Variants in ANXA2R observed in about 807,000 individuals in gnomAD.
ANXA2R encodes annexin-2 receptor.
For missense variants in ANXA2R, 244 were observed against 241.5 expected, an observed-to-expected ratio of 1.01 and a Z score of -0.07; for synonymous variants, 93 against 93.6, an observed-to-expected ratio of 0.99 and a Z score of 0.04.
In ANXA2R at chr5:43,039,609, T is replaced by G; in HGVS notation, c.438A>C (p.Glu146Asp). Reference protein sequence around the residue: ...TEVCDSGCLLERRHPPALQPW... With the variant: ...TEVCDSGCLLDRRHPPALQPW... ...GCTGGAGGGCAGGAGGATGGCGGCG[T>G]TCCAAAAGGCACCCGCTGTCACAGA... is the stretch of plus-strand genomic sequence containing the variant. Residue 146 changes from glutamate (E) to aspartate (D), a missense_variant, in exon 1 of 1, where the codon GAA (glutamate) becomes GAC (aspartate). Coordinates refer to ENST00000616064, the MANE Select transcript of ANXA2R (RefSeq NM_001014279.3). The G allele has an allele frequency of 6.2e-7, 1 of 1,613,924 alleles. No homozygotes were observed. The highest frequency in any genetic ancestry group is 8.5e-7 in the Non-Finnish European group (1 of 1,179,906).
chr5:43,039,943 G>A lies in ANXA2R; in HGVS notation c.104C>T (p.Pro35Leu), dbSNP rs1205391094. Residue 35 changes from proline (P) to leucine (L), a missense_variant, in exon 1 of 1, where the codon CCG (proline) becomes CTG (leucine). By Grantham distance (98) the Pro-to-Leu change is moderately conservative. Coordinates refer to ENST00000616064, the MANE Select transcript of ANXA2R (RefSeq NM_001014279.3). ...PPIVSSEDRG[P>L]WPLPLYPVLG... is the part of the protein sequence containing the mutation. Reference sequence around the variant, plus strand: ...TACTGGATACAAAGGAAGAGGCCACGGCCCACGATCTTCTGAACTCACAAT... The same window carrying A: ...TACTGGATACAAAGGAAGAGGCCACAGCCCACGATCTTCTGAACTCACAAT... The A allele has an allele frequency of 6.2e-7, 1 of 1,614,038 alleles. No individual in the cohort carries two copies. Among genetic ancestry groups the A allele is most frequent in the East Asian group, 2.2e-5 (1 of 44,900 alleles).
At chr5:43,042,171 A>G (rs1742207606), upstream of ANXA2R, 1 of 152,382 alleles carries the variant, frequency 6.6e-6, no homozygotes, top group South Asian at 2.1e-4. The surrounding 1 kb of genome is among the most constrained non-coding windows in gnomAD (Gnocchi z 5.6). Context: ...CTCCCCTGTC[A>G]CCGGCTCCAA....
rs774764344 is a variant in ANXA2R, at chr5:43,039,720, C to T, written c.327G>A (p.Gln109=). ...GCCTGAGTCTGTCGGGTTCCTCTGC[C>T]TGCCCCACCTCTTCTACGGGTGCCT... ...QQEAPVEEVG[Q]AEEPDRLRLQ... Residue 109 remains glutamine (Q), a synonymous_variant, in exon 1 of 1, where the codon CAG becomes CAA. Transcript: ENST00000616064. The T allele has an allele frequency of 1.9e-6, 3 of 1,614,042 alleles. No individual in the cohort carries two copies. The Admixed American group carries it at 5.0e-5, about 27-fold the overall frequency.
chr5:43,040,410 C>T (rs77647328), upstream of ANXA2R: 2,109 of 206,594 alleles, frequency 0.01, 51 homozygotes, highest in African/African-American at 0.047. Flanking sequence ...CACCGGAAAA[C>T]TGTCTGCTAG....
chr5:43,039,497 A>C lies in ANXA2R; in HGVS notation c.550T>G (p.Cys184Gly). 6.3e-7 allele frequency: 1 copy of C among 1,593,306 alleles called. No homozygotes were observed. Among genetic ancestry groups the C allele is most frequent in the Non-Finnish European group, 8.6e-7 (1 of 1,169,392 alleles). ...TGCTTAGCTCCACAGATCCGTGAACAGCACGCCCAGAGTACAGAGAACGCG... is the reference window on the plus strand; with the variant it reads ...TGCTTAGCTCCACAGATCCGTGAACCGCACGCCCAGAGTACAGAGAACGCG... ...FAAFSVLWAC[C>G]SRICGAKQP The change falls in exon 1 of 1, where the codon TGT becomes GGT. Residue 184 changes from cysteine (C) to glycine (G), a missense_variant. Coordinates refer to ENST00000616064, the MANE Select transcript of ANXA2R (RefSeq NM_001014279.3).
In ANXA2R at chr5:43,039,442, T is replaced by G; in HGVS notation, c.*23A>C. 6.7e-7 allele frequency: 1 copy of G among 1,481,866 alleles called. No individual in the cohort carries two copies. Among genetic ancestry groups the G allele is most frequent in the Non-Finnish European group, 9.0e-7 (1 of 1,113,616 alleles). The allele number at this position is 1,481,866 out of a possible 1,614,324, so 91.8% of individuals were successfully genotyped here. A position where few individuals can be genotyped will look rare whatever the true frequency, so the allele number is the denominator to read the frequency against. On this transcript the variant is annotated 3_prime_UTR_variant, in exon 1 of 1. Transcript: ENST00000616064. The stretch of plus-strand genomic sequence containing the variant: ...CTGAGAATCTTTTCAAGGAGGAGAA[T>G]CCAAAAAGCCTTCTGCTGCTATCTA...
chr5:43,040,943 T>C (rs1742183328), upstream of ANXA2R: 1 of 152,028 alleles, frequency 6.6e-6, no homozygotes, highest in African/African-American at 2.4e-5. Context: ...AAACGCCCAG[T>C]GGGCGCCACT....
Position 43,039,985 on chromosome 5 carries a change from T to G in ANXA2R, c.62A>C (p.Glu21Ala), listed in dbSNP as rs946832737. The G allele has an allele frequency of 5.0e-6, 8 of 1,613,722 alleles. No homozygotes were observed. In the African/African-American group the frequency reaches 1.1e-4, roughly 22 times the overall value. The change falls in exon 1 of 1, where the codon GAG becomes GCG. Residue 21 changes from glutamate to alanine, a missense_variant. By Grantham distance (107) the Glu-to-Ala change is moderately radical (BLOSUM62 -1). Coordinates refer to ENST00000616064, the MANE Select transcript of ANXA2R (RefSeq NM_001014279.3). ...ACTCACAATAGGTGGAGGCTGGGGCTCTGGCGCCACCTCTGCGGAATCCCA... is the reference window on the plus strand; with the variant it reads ...ACTCACAATAGGTGGAGGCTGGGGCGCTGGCGCCACCTCTGCGGAATCCCA... Reference protein sequence around the residue: ...RAWDSAEVAPEPQPPPIVSSE... With the variant: ...RAWDSAEVAPAPQPPPIVSSE...
At position 43,039,547 on chromosome 5, in the gene ANXA2R, T is replaced by C. The variant is rs762487417; in HGVS notation, c.500A>G (p.Glu167Gly). The C allele has an allele frequency of 2.0e-5, 32 of 1,613,172 alleles. No homozygotes were observed. Among genetic ancestry groups the C allele is most frequent in the African/African-American group, 2.7e-5 (2 of 74,814 alleles). ...RHLPGFSDCL[E>G]WILRVGFAAF... ...GGCAAAACCAACGCGAAGAATCCAC[T>C]CCAGGCAGTCTGAGAAACCCGGGAG... Residue 167 changes from glutamate (E) to glycine (G), a missense_variant, in exon 1 of 1, where the codon GAG becomes GGG. Glu to Gly is a moderately conservative substitution (Grantham distance 98). Coordinates refer to ENST00000616064, the MANE Select transcript of ANXA2R (RefSeq NM_001014279.3).
upstream of ANXA2R, chr5:43,040,456 G>C (rs1328957425): frequency 5.9e-6 from 1 of 170,866 alleles, no homozygotes; most frequent in East Asian, 1.9e-4. Flanking sequence ...CGAGAAACTG[G>C]CGCGTTGAAC....
At chr5:43,042,857 A>C (rs1742226367), upstream of ANXA2R, 1 of 152,550 alleles carries the variant, frequency 6.6e-6, no homozygotes, top group African/African-American at 2.4e-5. This position sits in a 1 kb window ranked among gnomAD's most constrained non-coding sequence, Gnocchi z 5.6. Context: ...AGCTCCGCGC[A>C]ATCAGTGGTT....
Position 43,040,031 on chromosome 5 carries a change from G to A in ANXA2R, c.16C>T (p.Leu6Phe). 6.2e-7 allele frequency: 1 copy of A among 1,608,052 alleles called. No individual in the cohort carries two copies. Among genetic ancestry groups the A allele is most frequent in the Non-Finnish European group, 8.5e-7 (1 of 1,177,440 alleles). MEQHF[L>F]GCVKRAWDSA... is the part of the protein sequence containing the mutation. ...TCCCAAGCCCGCTTCACACAGCCAA[G>A]AAAATGTTGCTCCATCCCTCAAGCC... The change falls in exon 1 of 1, where the codon CTT (leucine) becomes TTT (phenylalanine). Residue 6 changes from leucine (L) to phenylalanine (F), a missense_variant. Transcript: ENST00000616064.
upstream of ANXA2R, chr5:43,043,101 A>T (rs2111975845): frequency 6.6e-6 from 1 of 152,394 alleles, no homozygotes; most frequent in Non-Finnish European, 1.5e-5. Flanking sequence ...CAACGGGCGA[A>T]GGCGCGGCGG....
At position 43,039,953 on chromosome 5, in the gene ANXA2R, C is replaced by A. The variant is rs912181753; in HGVS notation, c.94G>T (p.Asp32Tyr). Reference sequence around the variant, plus strand: ...AAAGGAAGAGGCCACGGCCCACGATCTTCTGAACTCACAATAGGTGGAGGC... The same window carrying A: ...AAAGGAAGAGGCCACGGCCCACGATATTCTGAACTCACAATAGGTGGAGGC... ...PQPPPIVSSE[D>Y]RGPWPLPLYP... The change falls in exon 1 of 1, where the codon GAT (aspartate) becomes TAT (tyrosine). Residue 32 changes from aspartate to tyrosine, a missense_variant. Asp to Tyr is a radical substitution (Grantham distance 160, BLOSUM62 -3). Transcript: ENST00000616064. 2 of 1,614,052 alleles carry A rather than the reference C, an allele frequency of 1.2e-6. No homozygotes were observed. Among genetic ancestry groups the A allele is most frequent in the African/African-American group, 1.3e-5 (1 of 74,942 alleles).
Position 43,039,384 on chromosome 5 carries a change from T to C in ANXA2R, c.*81A>G. On this transcript the variant is annotated 3_prime_UTR_variant, in exon 1 of 1. Transcript: ENST00000616064. ...CCAGCAATGAAAGCACATCTTAATG[T>C]ATTTTTATTTTCTAGGTGGAGACGT... 1 of 1,180,374 alleles carries C rather than the reference T, an allele frequency of 8.5e-7. No individual in the cohort carries two copies. The allele number at this position is 1,180,374 out of a possible 1,614,324, so 73.1% of individuals were successfully genotyped here. A position where few individuals can be genotyped will look rare whatever the true frequency, so the allele number is the denominator to read the frequency against.
rs1230572994 is a variant in ANXA2R at position 43,039,606 on chromosome 5, G to A, written c.441C>T (p.Arg147=). Residue 147 remains arginine (R), a synonymous_variant, in exon 1 of 1, where the codon CGC becomes CGT. Transcript: ENST00000616064. ...EVCDSGCLLE[R]RHPPALQPWR... Reference sequence around the variant, plus strand: ...ACGGCTGGAGGGCAGGAGGATGGCGGCGTTCCAAAAGGCACCCGCTGTCAC... The same window carrying A: ...ACGGCTGGAGGGCAGGAGGATGGCGACGTTCCAAAAGGCACCCGCTGTCAC... The A allele has an allele frequency of 6.2e-7, 1 of 1,614,040 alleles. No individual in the cohort carries two copies. Among genetic ancestry groups the A allele is most frequent in the Admixed American group, 1.7e-5 (1 of 60,024 alleles).
upstream of ANXA2R, chr5:43,042,864 G>A (rs1031294093): frequency 6.6e-6 from 1 of 152,526 alleles, no homozygotes; most frequent in African/African-American, 2.4e-5. This position sits in a 1 kb window ranked among gnomAD's most constrained non-coding sequence, Gnocchi z 5.6. Flanking sequence ...CGCAATCAGT[G>A]GTTCTGCGAT....
Position 43,039,504 on chromosome 5 carries a change from C to T in ANXA2R, c.543G>A (p.Trp181Ter). The T allele has an allele frequency of 6.2e-7, 1 of 1,601,010 alleles. No individual in the cohort carries two copies. The highest frequency in any genetic ancestry group is 8.5e-7 in the Non-Finnish European group (1 of 1,173,080). Residue 181 changes from tryptophan to a stop codon, truncating the protein, a stop_gained, in exon 2 of 2, where the codon TGG (tryptophan) becomes TGA (stop). Transcript: ENST00000314890. LOFTEE classifies it low-confidence loss of function (END_TRUNC). ...CTCCACAGATCCGTGAACAGCACGC[C>T]CAGAGTACAGAGAACGCGGCAAAAC...
In ANXA2R at chr5:43,040,091, G is replaced by GT. The variant is rs878976801; in HGVS notation, c.-46dup. 2.0e-6 allele frequency: 3 copies of GT among 1,531,526 alleles called. No individual in the cohort carries two copies. In the South Asian group the frequency reaches 3.8e-5, roughly 19 times the overall value. The allele number at this position is 1,531,526 out of a possible 1,614,324, so 94.9% of individuals were successfully genotyped here. On this transcript the variant is annotated 5_prime_UTR_variant, in exon 1 of 1. An upstream open reading frame in the 5' UTR gains an earlier in-frame stop. Transcript: ENST00000616064. ...CGTTTGCGCTGATCAAGGAGGGAGA[G>GT]TCTCTGCACTACCATCAGCCTGAGT...
Sources: allele counts gnomAD v4.1 joint callset, GRCh38; gene constraint gnomAD v4.1.1; non-coding constraint Gnocchi (gnomAD v3.1); transcripts MANE v1.5; gene names NCBI Gene and HGNC (gene_info 2026-07-23, HGNC 2026-07-21).